FRMD4B: variants seen among roughly 807,000 people sequenced by gnomAD.
FRMD4B encodes the protein FERM domain containing 4B.
Under a neutral mutation model 141.5 loss-of-function variants are expected in FRMD4B, and 74 were observed. That is an observed-to-expected ratio of 0.52 (90% confidence interval 0.43 to 0.63). The LOEUF is 0.63. Ranked by LOEUF, FRMD4B falls within the 30% of genes least tolerant of loss-of-function variation. The probability of loss-of-function intolerance (pLI) is 0.00; values close to 1 mark genes in which losing one functional copy is unlikely to be tolerated. For missense variants in FRMD4B, 1,366 were observed against 1,253.4 expected (o/e 1.09, Z -1.36); for synonymous variants, 506 against 467.9 (o/e 1.08, Z -1.05).
chr3:69,262,678 T>C (rs1272712989), intron 5 of FRMD4B, among the ~76,000 whole-genome samples: 1 of 150,756 alleles, frequency 6.6e-6, no homozygotes, highest in South Asian at 2.1e-4. Flanking sequence ...AGGCTGTTCT[T>C]GAACTCCCAG....
chr3:69,215,983 G>A (rs1438162783), intron 11 of FRMD4B, among the ~76,000 whole-genome samples: 5 of 152,072 alleles, frequency 3.3e-5, no homozygotes, highest in East Asian at 1.9e-4. Context: ...GCAAAACCCC[G>A]TCTCTACTAA....
intron 1 of FRMD4B, chr3:69,542,146 G>C (rs1455848679): frequency 6.6e-6 from 1 of 151,978 alleles, no homozygotes; most frequent in Admixed American, 6.5e-5. Flanking sequence ...GCCCGTGGCC[G>C]CGTCTTGCGG....
chr3:69,536,340 C>T (rs1701084502), intron 1 of FRMD4B: 2 of 667,380 alleles, frequency 3.0e-6, no homozygotes, highest in Non-Finnish European at 5.4e-6. Flanking sequence ...TGCCAGTGGC[C>T]CCCCTTGCTT....
chr3:69,178,412 C>T (rs1178980594), intron 21 of FRMD4B, among the ~76,000 whole-genome samples: 2 of 152,068 alleles, frequency 1.3e-5, no homozygotes, highest in African/African-American at 4.8e-5. Context: ...GGTGTGATGG[C>T]TCATGGTTGT....
intron 2 of FRMD4B, among the ~76,000 whole-genome samples, chr3:69,414,499 G>A (rs757570512): frequency 5.3e-5 from 8 of 152,192 alleles, no homozygotes; most frequent in Non-Finnish European, 8.8e-5. Flanking sequence ...GTGTTCCTTC[G>A]ATGAACATGT....
intron 1 of FRMD4B, among the ~76,000 whole-genome samples, chr3:69,451,386 G>T (rs2106889063): frequency 6.6e-6 from 1 of 152,298 alleles, no homozygotes; most frequent in South Asian, 2.1e-4. Flanking sequence ...GCTGTGATAA[G>T]GTTTATGAAG....
At chr3:69,364,873 TAAAA>T (rs202210480) in intron 1 of FRMD4B, among the ~76,000 whole-genome samples, 1,621 of 151,982 alleles carry the variant, frequency 0.011, 21 homozygotes, top group African/African-American at 0.032. Flanking sequence ...CTTGTTTTTT[TAAAA>T]AAATAAATAA....
upstream of FRMD4B, among the ~76,000 whole-genome samples, chr3:69,390,373 G>T (rs1447880775): frequency 6.6e-6 from 1 of 152,142 alleles, no homozygotes; most frequent in Non-Finnish European, 1.5e-5. Context: ...TAGTTCAATG[G>T]TTCTCAACCG....
chr3:69,275,112 A>T (rs182552311), intron 5 of FRMD4B, among the ~76,000 whole-genome samples: 75 of 152,244 alleles, frequency 4.9e-4, no homozygotes, highest in African/African-American at 1.7e-3. Flanking sequence ...ACTGATTTCA[A>T]CCAAGCACTT....
chr3:69,454,429 G>A (rs1414809825), intron 1 of FRMD4B, among the ~76,000 whole-genome samples: 1 of 152,210 alleles, frequency 6.6e-6, no homozygotes, highest in African/African-American at 2.4e-5. Flanking sequence ...CTTGCTGGGA[G>A]GTGTGGAGGA....
intron 2 of FRMD4B, among the ~76,000 whole-genome samples, chr3:69,403,175 G>T (rs557899100): frequency 2.6e-5 from 4 of 152,022 alleles, no homozygotes; most frequent in South Asian, 4.2e-4. Context: ...ACTTAGCAAG[G>T]GTTCAGGGGC....
intron 1 of FRMD4B, among the ~76,000 whole-genome samples, chr3:69,366,103 AC>A (rs1703641973): frequency 1.3e-5 from 2 of 149,808 alleles, no homozygotes; most frequent in African/African-American, 4.9e-5. Flanking sequence ...ACACACACAC[AC>A]ACAAAATTAG....
chr3:69,363,683 C>A (rs990744018), intron 1 of FRMD4B, among the ~76,000 whole-genome samples: 6 of 152,176 alleles, frequency 3.9e-5, no homozygotes, highest in African/African-American at 1.4e-4. Context: ...GCCACTGCAC[C>A]TGGCCCAGCC....
chr3:69,238,947 T>G (rs2093363836), intron 7 of FRMD4B, among the ~76,000 whole-genome samples: 1 of 152,232 alleles, frequency 6.6e-6, no homozygotes, highest in Non-Finnish European at 1.5e-5. Context: ...GTTGGCAGAT[T>G]TAATATATTG....
At chr3:69,319,023 C>A (rs1023950030) in intron 1 of FRMD4B, among the ~76,000 whole-genome samples, 1 of 152,096 alleles carries the variant, frequency 6.6e-6, no homozygotes, top group African/African-American at 2.4e-5. Context: ...GAGACACAAC[C>A]AAAACAAACA....
intron 1 of FRMD4B, among the ~76,000 whole-genome samples, chr3:69,354,374 G>A (rs913131634): frequency 8.5e-5 from 13 of 152,062 alleles, no homozygotes; most frequent in African/African-American, 3.1e-4. Flanking sequence ...CTAAGTAAAA[G>A]TTTGTGACAG....
chr3:69,242,286 C>T (rs2093390152), intron 7 of FRMD4B, among the ~76,000 whole-genome samples: 1 of 151,872 alleles, frequency 6.6e-6, no homozygotes, highest in Non-Finnish European at 1.5e-5. Flanking sequence ...AGCGCCTTGC[C>T]CATGGGAGAT....
intron 2 of FRMD4B, among the ~76,000 whole-genome samples, chr3:69,423,534 C>G (rs1042403881): frequency 1.3e-5 from 2 of 152,112 alleles, no homozygotes; most frequent in African/African-American, 4.8e-5. Flanking sequence ...TTAAAATGCC[C>G]CCTAAGCATA....
At chr3:69,427,643 G>GTTTTTTTGTTTTTTT (rs1705106086) in intron 2 of FRMD4B, among the ~76,000 whole-genome samples, 2 of 36,240 alleles carry the variant, frequency 5.5e-5, no homozygotes, top group African/African-American at 2.1e-4. Flanking sequence ...CTAGGTAAAT[G>GTTTTTTTGTTTTTTT]TTTTTTTTTT....
Sources: gnomAD v4.1 joint callset for allele counts (sites outside exome capture counted in the v4.1 genomes callset) on GRCh38, gnomAD v4.1.1 for gene constraint, MANE v1.5 for transcripts, NCBI Gene and HGNC (gene_info 2026-07-23, HGNC 2026-07-21) for gene names.